Variants in ECE2 observed in about 807,000 individuals in gnomAD.
The protein encoded by ECE2 is endothelin-converting enzyme 2.
In ECE2, 81 loss-of-function variants were observed where a neutral mutation model predicts 100.6. That is an observed-to-expected ratio of 0.81 (90% CI 0.67 to 0.97). The LOEUF (loss-of-function observed/expected upper bound fraction) is 0.97, where lower values mean the gene tolerates loss of function less well. ECE2 is among the 50% of genes least tolerant of loss of function. The pLI is 0.00. For synonymous variants in ECE2, 391 were observed against 391.5 expected (o/e 1.00, Z 0.02); for missense variants, 911 against 988.1 (o/e 0.92, Z 1.05).
At chr3:184,286,530 T>C (rs929617103) in intron 10 of ECE2, among the ~76,000 whole-genome samples, 5 of 152,004 alleles carry the variant, frequency 3.3e-5, no homozygotes, top group Admixed American at 1.3e-4. Flanking sequence ...AGGCCAGGCT[T>C]GGTGGCTCAT....
chr3:184,277,098 T>C, intron 3 of ECE2, 71 bp downstream of exon 3: 1 of 1,606,066 alleles, frequency 6.2e-7, no homozygotes, highest in Non-Finnish European at 8.5e-7. Context: ...CTCTAAGATT[T>C]TCACTTGTGG....
rs746144822 is a variant in ECE2, at chr3:184,285,521, A to G, written c.1192A>G (p.Thr398Ala). 1 of 1,614,056 alleles carries G rather than the reference A, an allele frequency of 6.2e-7. No homozygotes were observed. The highest frequency in any genetic ancestry group is 1.7e-5 in the Admixed American group (1 of 60,008). ...GATCTGGAACCTGGTGCAAAAGACA[A>G]CCTCAAGCCTGGACCGACGCTTTGA... The part of the protein sequence containing the change: ...YLIWNLVQKT[T>A]SSLDRRFESA... Residue 398 changes from threonine to alanine, a missense_variant, in exon 10 of 19, where the codon ACC becomes GCC. Transcript: ENST00000404464.
intron 7 of ECE2, among the ~76,000 whole-genome samples, chr3:184,280,485 G>A (rs1211769360): frequency 6.6e-6 from 1 of 152,166 alleles, no homozygotes; most frequent in African/African-American, 2.4e-5. Context: ...GCAGGCAGCT[G>A]GGAAAGCTGT....
intron 2 of ECE2, 150 bp downstream of exon 2, chr3:184,276,717 C>T: frequency 6.5e-7 from 1 of 1,539,042 alleles, no homozygotes; most frequent in Non-Finnish European, 8.8e-7. Context: ...TGAGGCGATG[C>T]TAAGCCGTGA....
At chr3:184,285,613 T>C (rs1192677596) in intron 10 of ECE2, 21 bp downstream of exon 10, 2 of 1,558,612 alleles carry the variant, frequency 1.3e-6, no homozygotes, top group South Asian at 2.2e-5. Flanking sequence ...TGATTTTGCC[T>C]CCACGTTCTG....
chr3:184,284,941 G>A lies in ECE2; in HGVS notation c.1006-22G>A, dbSNP rs777221796. The A allele has an allele frequency of 2.2e-5, 36 of 1,610,988 alleles. 1 individual carries two copies. The South Asian group carries it at 4.0e-4, about 18-fold the overall frequency. ...GCTGGAAGCGAGTCGGGCAGGCAAG[G>A]CCTGAGATTTTTTTCTTTCAGGCTC... On this transcript the variant is annotated intron_variant, in intron 8 of 18. Coordinates refer to ENST00000404464, the MANE Select transcript of ECE2 (RefSeq NM_001100121.2).
In ECE2 at chr3:184,283,807, A is replaced by T; in HGVS notation, c.839A>T (p.Tyr280Phe). 1.9e-6 allele frequency: 3 copies of T among 1,613,836 alleles called. No individual in the cohort carries two copies. The highest frequency in any genetic ancestry group is 2.5e-6 in the Non-Finnish European group (3 of 1,179,972). ...CAGGTGCTCACTGCCTATCTGGATTACATGGAGGAACTGGGGATGCTGCTG... is the reference window on the plus strand; with the variant it reads ...CAGGTGCTCACTGCCTATCTGGATTTCATGGAGGAACTGGGGATGCTGCTG... The part of the protein sequence containing the change: ...NEKVLTAYLD[Y>F]MEELGMLLGG... The change falls in exon 8 of 19, where the codon TAC becomes TTC. Residue 280 changes from tyrosine (Y) to phenylalanine (F), a missense_variant. By Grantham distance (22) the Tyr-to-Phe change is conservative. Transcript: ENST00000404464.
chr3:184,287,419 C>T (rs1187196476), intron 10 of ECE2, among the ~76,000 whole-genome samples: 11 of 152,084 alleles, frequency 7.2e-5, no homozygotes, highest in East Asian at 5.8e-4. Context: ...GGGCCGGGCA[C>T]GGTGGCTCAT....
At position 184,278,291 on chromosome 3, in the gene ECE2, G is replaced by A; in HGVS notation, c.728G>A (p.Ser243Asn). 1 of 1,614,102 alleles carries A rather than the reference G, an allele frequency of 6.2e-7. No homozygotes were observed. The highest frequency in any genetic ancestry group is 8.5e-7 in the Non-Finnish European group (1 of 1,179,998). The stretch of plus-strand genomic sequence containing the variant: ...GTCTACATCAGTGCCGACTCTAAGA[G>A]TTCCAACAGCAATGTTATCCAGGTG... ...FTVYISADSK[S>N]SNSNVIQVDQ... Residue 243 changes from serine to asparagine, a missense_variant, in exon 6 of 19, where the codon AGT becomes AAT. Physicochemically the swap from Ser to Asn is conservative, Grantham distance 46. Transcript: ENST00000404464.
chr3:184,289,747 C>T lies in ECE2; in HGVS notation c.1551+29C>T. The T allele has an allele frequency of 6.3e-7, 1 of 1,580,554 alleles. No individual in the cohort carries two copies. The highest frequency in any genetic ancestry group is 8.6e-7 in the Non-Finnish European group (1 of 1,160,454). On this transcript the variant is annotated intron_variant, in intron 13 of 18. Coordinates refer to ENST00000404464, the MANE Select transcript of ECE2 (RefSeq NM_001100121.2). This position sits in a 1 kb window ranked among gnomAD's most constrained non-coding sequence, Gnocchi z 4.1. ...AGTACCTACGCTCATCAGTACTGAA[C>T]TTCAGCCCTGTAGAGGGCACTGTTC...
chr3:184,278,371 T>A (rs1203357966), intron 6 of ECE2, 58 bp downstream of exon 6: 1 of 1,595,746 alleles, frequency 6.3e-7, no homozygotes, highest in Non-Finnish European at 8.5e-7. Flanking sequence ...AGCCCAGACT[T>A]CCCTCTCCTG....
chr3:184,284,893 A>C, intron 8 of ECE2, 70 bp from the exon 9 acceptor site: 1 of 1,565,466 alleles, frequency 6.4e-7, no homozygotes, highest in South Asian at 1.2e-5. Context: ...CCCAGGCTAC[A>C]GCATACAGTG....
chr3:184,288,957 C>T (rs1321892438), intron 11 of ECE2, among the ~76,000 whole-genome samples: 1 of 152,012 alleles, frequency 6.6e-6, no homozygotes, highest in Non-Finnish European at 1.5e-5. Context: ...GAGTTCAAGA[C>T]CAACCTGGCC....
intron 7 of ECE2, among the ~76,000 whole-genome samples, chr3:184,279,300 A>G (rs1209063616): frequency 9.1e-6 from 1 of 110,270 alleles, no homozygotes; most frequent in Admixed American, 1.2e-4. Flanking sequence ...ACGGAGAGAG[A>G]CTCCGACTCA....
At chr3:184,286,727 C>T (rs572950369) in intron 10 of ECE2, among the ~76,000 whole-genome samples, 1 of 149,408 alleles carries the variant, frequency 6.7e-6, no homozygotes, top group South Asian at 2.1e-4. Flanking sequence ...TCACTTAAAC[C>T]TGGAGGTTGC....
At chr3:184,279,975 G>A (rs1195732740) in intron 7 of ECE2, among the ~76,000 whole-genome samples, 1 of 46,828 alleles carries the variant, frequency 2.1e-5, no homozygotes, top group Non-Finnish European at 3.9e-5. Flanking sequence ...TCTGAGTCAG[G>A]AAGGTCCCAA....
rs564426101 is a variant in ECE2, at chr3:184,283,683, G to A, written c.817-102G>A. 5 of 1,239,422 alleles carry A rather than the reference G, an allele frequency of 4.0e-6. No individual in the cohort carries two copies. The African/African-American group carries it at 7.6e-5, about 19-fold the overall frequency. 76.8% of individuals were successfully genotyped at this position (1,239,422 alleles called of 1,614,324 possible). On this transcript the variant is annotated intron_variant, in intron 7 of 18. Coordinates refer to ENST00000404464, the MANE Select transcript of ECE2 (RefSeq NM_001100121.2). ...GGTCATCCAGAAAGGCTTCCAGAAG[G>A]ATCAAGCAGAAGAGATATTGGGCAG... is the stretch of plus-strand genomic sequence containing the variant.
chr3:184,285,630 T>G, intron 10 of ECE2, 38 bp downstream of exon 10: 1 of 1,433,740 alleles, frequency 7.0e-7, no homozygotes. Context: ...TCTGATCCAG[T>G]CTAACCGATG....
intron 9 of ECE2, 103 bp downstream of exon 9, chr3:184,285,208 A>G: frequency 1.4e-6 from 2 of 1,449,302 alleles, no homozygotes; most frequent in Non-Finnish European, 1.9e-6. Flanking sequence ...TGGTAATGCT[A>G]TGGGCCTTCC....
Sources: gnomAD v4.1 joint callset for allele counts (sites outside exome capture counted in the v4.1 genomes callset) on GRCh38, gnomAD v4.1.1 for gene constraint, Gnocchi (gnomAD v3.1) non-coding constraint, MANE v1.5 for transcripts, NCBI Gene and HGNC (gene_info 2026-07-23, HGNC 2026-07-21) for gene names.